PFKM: variants seen among roughly 807,000 people sequenced by gnomAD.
PFKM encodes the protein ATP-dependent 6-phosphofructokinase, muscle type.
In PFKM, 58 loss-of-function variants were observed where a neutral mutation model predicts 95.5. The ratio of observed to expected loss-of-function variants is 0.61; its 90% CI spans 0.49 to 0.76. The LOEUF is 0.76. Among genes scored for constraint, PFKM ranks in the 30% least tolerant of loss-of-function variants. The probability of loss-of-function intolerance (pLI) is 0.00; values close to 1 mark genes in which losing one functional copy is unlikely to be tolerated. For missense variants in PFKM, 678 were observed against 1,005.4 expected (o/e 0.67, Z 4.40); for synonymous variants, 336 against 357.2 (o/e 0.94, Z 0.67).
rs149825847 is a variant in PFKM, at chr12:48,133,438, G to A, written c.551G>A (p.Arg184Gln). Residue 184 changes from arginine (R) to glutamine (Q), a missense_variant, in exon 6 of 23, where the codon CGG becomes CAG. By Grantham distance (43) the Arg-to-Gln change is conservative. Transcript: ENST00000359794. Reference protein sequence around the residue: ...MTIGTDSALHRIMEIVDAITT... With the variant: ...MTIGTDSALHQIMEIVDAITT... ...ATTGGCACTGACTCTGCCCTGCATC[G>A]GATCATGGAAATTGTAGATGCCATC... The A allele has an allele frequency of 5.0e-6, 8 of 1,613,990 alleles. No individual in the cohort carries two copies. Among genetic ancestry groups the A allele is most frequent in the Admixed American group, 1.7e-5 (1 of 59,984 alleles).
chr12:48,107,385 CG>C lies in PFKM; in HGVS notation c.13del (p.Glu5SerfsTer4), dbSNP rs1565832124. The C allele has an allele frequency of 3.1e-6, 5 of 1,596,928 alleles. No homozygotes were observed. The highest frequency in any genetic ancestry group is 4.2e-6 in the Non-Finnish European group (5 of 1,177,514). On this transcript the variant is annotated frameshift_variant, in exon 2 of 25. Transcript: ENST00000340802. LOFTEE classifies it high-confidence loss of function. ...TCTAGGAGGCAGCCATGCATAAAGA[CG>C]AGTTTCATCTGAAATTTTTCATGTG...
At chr12:48,114,137 T>A (rs909971812) in intron 3 of PFKM, among the ~76,000 whole-genome samples, 2 of 152,188 alleles carry the variant, frequency 1.3e-5, no homozygotes, top group African/African-American at 4.8e-5. Flanking sequence ...GTGTGGTTCA[T>A]GAAGCCAGCA....
At chr12:48,133,259 C>T (rs1592729755) in intron 5 of PFKM, 56 bp from the exon 6 acceptor site, 2 of 1,495,150 alleles carry the variant, frequency 1.3e-6, no homozygotes, top group Non-Finnish European at 1.9e-6. Context: ...GATATCTCCT[C>T]TTTAGGCATG....
chr12:48,134,881 T>TG, intron 8 of PFKM, 52 bp downstream of exon 8: 1 of 1,589,520 alleles, frequency 6.3e-7, no homozygotes, highest in Non-Finnish European at 8.6e-7. Context: ...GTTCCACTGA[T>TG]GATCTCTTTC....
At position 48,134,806 on chromosome 12, in the gene PFKM, C is replaced by T; in HGVS notation, c.724C>T (p.His242Tyr). 1 of 1,613,966 alleles carries T rather than the reference C, an allele frequency of 6.2e-7. No homozygotes were observed. Among genetic ancestry groups the T allele is most frequent in the Non-Finnish European group, 8.5e-7 (1 of 1,179,850 alleles). Residue 242 changes from histidine to tyrosine, a missense_variant, in exon 8 of 23, where the codon CAC (histidine) becomes TAC (tyrosine). Transcript: ENST00000359794. ...TCCACCAGATGACGACTGGGAGGAA[C>T]ACCTTTGTCGCCGACTCAGCGAGGT... ...ECPPDDDWEE[H>Y]LCRRLSETRT... is the part of the protein sequence containing the mutation.
upstream of PFKM, among the ~76,000 whole-genome samples, chr12:48,117,455 T>C (rs1292607935): frequency 6.6e-6 from 1 of 152,242 alleles, no homozygotes; most frequent in Non-Finnish European, 1.5e-5. Flanking sequence ...CCACCAGCAA[T>C]TAATGAGAGT....
chr12:48,136,062 T>G lies in PFKM; in HGVS notation c.936+679T>G, dbSNP rs1375468728. On this transcript the variant is annotated intron_variant, in intron 10 of 22. Coordinates refer to ENST00000359794, the MANE Select transcript of PFKM (RefSeq NM_000289.6). Reference sequence around the variant, plus strand: ...TGGACCACGCCCGGCTAATATTTTGTATTTTTAGTAGAGACAGGGTTTCAC... The same window carrying G: ...TGGACCACGCCCGGCTAATATTTTGGATTTTTAGTAGAGACAGGGTTTCAC... 3.3e-5 allele frequency among the ~76,000 whole-genome samples: 5 copies of G among 152,180 alleles called. No individual in the cohort carries two copies. In the South Asian group the frequency reaches 6.2e-4, roughly 19 times the overall value.
intron 10 of PFKM, 147 bp downstream of exon 10, chr12:48,135,530 C>T: frequency 1.6e-6 from 1 of 622,662 alleles, no homozygotes; most frequent in Non-Finnish European, 2.9e-6. Context: ...TGGCCACTGA[C>T]CCATTCCCAT....
intron 12 of PFKM, 92 bp from the exon 13 acceptor site, chr12:48,139,757 C>A: frequency 1.1e-6 from 1 of 899,002 alleles, no homozygotes; most frequent in East Asian, 2.5e-5. Flanking sequence ...TGGAACTTCC[C>A]TCTGGGAGCA....
upstream of PFKM, among the ~76,000 whole-genome samples, chr12:48,115,495 T>C (rs1947592379): frequency 6.6e-6 from 1 of 152,092 alleles, no homozygotes; most frequent in Non-Finnish European, 1.5e-5. Flanking sequence ...TTCTTAAAGG[T>C]GGGGGAGATT....
At position 48,145,188 on chromosome 12, in the gene PFKM, G is replaced by C; in HGVS notation, c.2093-22G>C. On this transcript the variant is annotated intron_variant, in intron 21 of 22. Coordinates refer to ENST00000359794, the MANE Select transcript of PFKM (RefSeq NM_000289.6). The surrounding 1 kb of genome is among the most constrained non-coding windows in gnomAD (Gnocchi z 4.3). ...AGGCTGGTTCCCCAGTATAGAAGCT[G>C]ACTGCCCATCCCTCATTGCAGGGCG... 1 of 1,612,952 alleles carries C rather than the reference G, an allele frequency of 6.2e-7. No individual in the cohort carries two copies. The highest frequency in any genetic ancestry group is 1.1e-5 in the South Asian group (1 of 91,068).
At chr12:48,144,278 T>A in intron 20 of PFKM, 121 bp downstream of exon 20, 1 of 742,224 alleles carries the variant, frequency 1.3e-6, no homozygotes, top group Non-Finnish European at 2.4e-6. Flanking sequence ...AGCCTGTCAG[T>A]GCCATCATAG....
chr12:48,126,182 T>G (rs1200453666), intron 2 of PFKM, among the ~76,000 whole-genome samples: 1 of 152,172 alleles, frequency 6.6e-6, no homozygotes, highest in Non-Finnish European at 1.5e-5. Flanking sequence ...ACAACTGCCA[T>G]GGAGGGTTAT....
chr12:48,134,895 C>G, intron 8 of PFKM, 48 bp from the exon 9 acceptor site: 1 of 1,586,422 alleles, frequency 6.3e-7, no homozygotes, highest in Non-Finnish European at 8.7e-7. Flanking sequence ...CTCTTTCCCA[C>G]CCATCAGCTT....
rs1949730699 is a variant in PFKM at position 48,133,436 on chromosome 12, T to C, written c.549T>C (p.His183=). 1 of 1,614,024 alleles carries C rather than the reference T, an allele frequency of 6.2e-7. No individual in the cohort carries two copies. Among genetic ancestry groups the C allele is most frequent in the African/African-American group, 1.3e-5 (1 of 74,918 alleles). Residue 183 remains histidine (H), a synonymous_variant, in exon 6 of 23, where the codon CAT becomes CAC. Transcript: ENST00000359794. ...CCATTGGCACTGACTCTGCCCTGCA[T>C]CGGATCATGGAAATTGTAGATGCCA... is the stretch of plus-strand genomic sequence containing the variant. ...DMTIGTDSAL[H]RIMEIVDAIT...
rs1950938419 is a variant in PFKM, at chr12:48,145,225, A to G, written c.2108A>G (p.Asn703Ser). The G allele has an allele frequency of 1.9e-6, 3 of 1,614,074 alleles. No homozygotes were observed. Among genetic ancestry groups the G allele is most frequent in the Non-Finnish European group, 2.5e-6 (3 of 1,179,994 alleles). ...CTCATTGCAGGGCGGATCTTTGCCA[A>G]TACTCCAGATTCGGGCTGTGTTCTG... The part of the protein sequence containing the change: ...ESYRNGRIFA[N>S]TPDSGCVLGM... The change falls in exon 22 of 23, where the codon AAT becomes AGT. Residue 703 changes from asparagine (N) to serine (S), a missense_variant. By Grantham distance (46) the Asn-to-Ser change is conservative (BLOSUM62 1). Transcript: ENST00000359794. The surrounding 1 kb of genome is among the most constrained non-coding windows in gnomAD (Gnocchi z 4.3).
chr12:48,122,762 T>A lies in PFKM; in HGVS notation c.-8-5T>A. The A allele has an allele frequency of 6.2e-7, 1 of 1,613,826 alleles. No homozygotes were observed. Among genetic ancestry groups the A allele is most frequent in the Non-Finnish European group, 8.5e-7 (1 of 1,179,862 alleles). The stretch of plus-strand genomic sequence containing the variant: ...GTCTTAACTGACCATTGTCTTAAAT[T>A]CTAGAGTGGATCATGACCCATGAAG... On this transcript the variant is annotated splice_polypyrimidine_tract_variant and splice_region_variant and intron_variant, in intron 1 of 22. Transcript: ENST00000359794.
Position 48,133,404 on chromosome 12 carries a change from G to A in PFKM, c.517G>A (p.Asp173Asn), listed in dbSNP as rs781110394. The A allele has an allele frequency of 5.6e-6, 9 of 1,614,018 alleles. No individual in the cohort carries two copies. The East Asian group carries it at 1.6e-4, about 28-fold the overall frequency. ...GSIDNDFCGT[D>N]MTIGTDSALH... The stretch of plus-strand genomic sequence containing the variant: ...AATTGACAATGACTTCTGTGGCACC[G>A]ATATGACCATTGGCACTGACTCTGC... The change falls in exon 6 of 23, where the codon GAT becomes AAT. Residue 173 changes from aspartate (D) to asparagine (N), a missense_variant. Asp to Asn is a conservative substitution (Grantham distance 23). Transcript: ENST00000359794.
intron 2 of PFKM, among the ~76,000 whole-genome samples, chr12:48,126,820 A>T (rs575459150): frequency 6.6e-6 from 1 of 152,196 alleles, no homozygotes; most frequent in Non-Finnish European, 1.5e-5. Flanking sequence ...CTTTAGTTTC[A>T]TATCTATTCT....
Sources: allele counts gnomAD v4.1 joint callset (sites outside exome capture counted in the v4.1 genomes callset), GRCh38; gene constraint gnomAD v4.1.1; non-coding constraint Gnocchi (gnomAD v3.1); transcripts MANE v1.5; gene names NCBI Gene and HGNC (gene_info 2026-07-23, HGNC 2026-07-21).